PLEKHH2: variants seen among roughly 807,000 people sequenced by gnomAD.
The protein encoded by PLEKHH2 is pleckstrin homology domain-containing family H member 2.
In PLEKHH2, 129 loss-of-function variants were observed where a neutral mutation model predicts 187.9. The observed-to-expected ratio is 0.69, with a 90% CI of 0.59 to 0.79. The LOEUF (loss-of-function observed/expected upper bound fraction) is 0.79, where lower values mean the gene tolerates loss of function less well. PLEKHH2 is among the 30% of genes least tolerant of loss of function. The pLI is 0.00. For synonymous variants in PLEKHH2, 686 were observed against 605.6 expected (o/e 1.13, Z -1.95); for missense variants, 2,076 against 1,751.2 (o/e 1.19, Z -3.31).
chr2:43,736,320 G>A (rs1671291411), intron 19 of PLEKHH2, among the ~76,000 whole-genome samples: 1 of 152,182 alleles, frequency 6.6e-6, no homozygotes, highest in Non-Finnish European at 1.5e-5. Context: ...GAGCCACAGG[G>A]ACTGGATTTG....
chr2:43,738,235 C>T, intron 19 of PLEKHH2, 106 bp from the exon 20 acceptor site: 1 of 937,096 alleles, frequency 1.1e-6, no homozygotes, highest in South Asian at 2.4e-5. Flanking sequence ...TATCCTTTTC[C>T]ATCATTTTAA....
intron 21 of PLEKHH2, 43 bp from the exon 22 acceptor site, chr2:43,742,698 A>C: frequency 7.2e-7 from 1 of 1,392,740 alleles, no homozygotes; most frequent in African/African-American, 1.5e-5. Flanking sequence ...TAGGTTGTCA[A>C]TTAAATTTAT....
intron 2 of PLEKHH2, chr2:43,676,177 T>C (rs1174999545): frequency 6.2e-7 from 1 of 1,613,888 alleles, no homozygotes; most frequent in East Asian, 2.2e-5. Flanking sequence ...ATCGTTCCTG[T>C]TAGGTGGACG....
Position 43,765,522 on chromosome 2 carries a change from G to A in PLEKHH2, c.4406G>A (p.Gly1469Glu), listed in dbSNP as rs1389002108. The A allele has an allele frequency of 1.9e-6, 3 of 1,613,884 alleles. No individual in the cohort carries two copies. Among genetic ancestry groups the A allele is most frequent in the Middle Eastern group, 1.6e-4 (1 of 6,084 alleles). Reference protein sequence around the residue: ...APALLSAQTRGPQARMMGSQP... With the variant: ...APALLSAQTREPQARMMGSQP... ...GCACTGCTCTCAGCCCAGACCCGGG[G>A]ACCCCAAGCCAGAATGATGGGAAGC... The change falls in exon 30 of 30, where the codon GGA (glycine) becomes GAA (glutamate). Residue 1469 changes from glycine to glutamate, a missense_variant. Coordinates refer to ENST00000282406, the MANE Select transcript of PLEKHH2 (RefSeq NM_172069.4).
intron 17 of PLEKHH2, 44 bp from the exon 18 acceptor site, chr2:43,729,593 C>G (rs1670939082): frequency 3.9e-6 from 5 of 1,291,858 alleles, no homozygotes; most frequent in Non-Finnish European, 4.2e-6. Context: ...TTTCTTTAAT[C>G]AAAACTGTGT....
intron 19 of PLEKHH2, 148 bp from the exon 20 acceptor site, chr2:43,738,193 C>A (rs2104587412): frequency 3.3e-6 from 2 of 602,142 alleles, no homozygotes; most frequent in East Asian, 6.0e-5. Context: ...TGTGGCGATT[C>A]CAGATTTCTT....
intron 3 of PLEKHH2, among the ~76,000 whole-genome samples, chr2:43,684,181 C>G (rs1425099301): frequency 6.6e-6 from 1 of 151,302 alleles, no homozygotes; most frequent in Non-Finnish European, 1.5e-5. Flanking sequence ...CCTTCCTTTT[C>G]CTTCTTTTCT....
chr2:43,692,376 A>G (rs1668842348), intron 3 of PLEKHH2, 138 bp from the exon 4 acceptor site: 1 of 634,060 alleles, frequency 1.6e-6, no homozygotes, highest in South Asian at 2.4e-5. Context: ...ATCATTAAAT[A>G]TATTAAACCT....
At chr2:43,668,156 C>A (rs2104393944) in intron 2 of PLEKHH2, among the ~76,000 whole-genome samples, 1 of 152,134 alleles carries the variant, frequency 6.6e-6, no homozygotes, top group Non-Finnish European at 1.5e-5. Flanking sequence ...CCTCAGCCTC[C>A]CAAGTAGCTG....
rs1484729756 is a variant in PLEKHH2 at position 43,765,759 on chromosome 2, A to T, written c.*161A>T. Reference sequence around the variant, plus strand: ...TCTTTTATTTGATTCTTAAATATTCAAATAAATATTAACAGTAAAACATAA... The same window carrying T: ...TCTTTTATTTGATTCTTAAATATTCTAATAAATATTAACAGTAAAACATAA... On this transcript the variant is annotated 3_prime_UTR_variant, in exon 30 of 30. Transcript: ENST00000282406. 1.6e-6 allele frequency: 1 copy of T among 634,332 alleles called. No homozygotes were observed. Among genetic ancestry groups the T allele is most frequent in the Non-Finnish European group, 2.5e-6 (1 of 406,628 alleles). 39.3% of individuals were successfully genotyped at this position (634,332 alleles called of 1,614,324 possible).
Position 43,706,394 on chromosome 2 carries a change from C to A in PLEKHH2, c.1799C>A (p.Pro600Gln). Residue 600 changes from proline to glutamine, a missense_variant, in exon 10 of 30, where the codon CCA becomes CAA. By Grantham distance (76) the Pro-to-Gln change is moderately conservative. Coordinates refer to ENST00000282406, the MANE Select transcript of PLEKHH2 (RefSeq NM_172069.4). Reference protein sequence around the residue: ...TSLIYKNMTTPVYTTLKGKAT... With the variant: ...TSLIYKNMTTQVYTTLKGKAT... ...CTGATATACAAGAACATGACCACCCCAGTGTATACAACTTTGAAGGGGGTA... is the reference window on the plus strand; with the variant it reads ...CTGATATACAAGAACATGACCACCCAAGTGTATACAACTTTGAAGGGGGTA... The A allele has an allele frequency of 6.3e-7, 1 of 1,597,208 alleles. No individual in the cohort carries two copies.
At chr2:43,716,657 CA>C (rs1418314693) in intron 15 of PLEKHH2, among the ~76,000 whole-genome samples, 1 of 152,072 alleles carries the variant, frequency 6.6e-6, no homozygotes. Flanking sequence ...TTCAAATATG[CA>C]AAAAAGCAGA....
intron 16 of PLEKHH2, among the ~76,000 whole-genome samples, chr2:43,725,682 G>A (rs1053098598): frequency 6.6e-6 from 1 of 152,186 alleles, no homozygotes; most frequent in African/African-American, 2.4e-5. Context: ...CATAAAAGTA[G>A]CATCTTGTTT....
chr2:43,672,730 A>G (rs1047798378), intron 2 of PLEKHH2, among the ~76,000 whole-genome samples: 3 of 152,180 alleles, frequency 2.0e-5, no homozygotes, highest in Non-Finnish European at 2.9e-5. Flanking sequence ...ACTATTTCTA[A>G]TGCAAGTTTC....
chr2:43,637,964 T>C (rs1703193149), intron 1 of PLEKHH2, among the ~76,000 whole-genome samples: 1 of 152,168 alleles, frequency 6.6e-6, no homozygotes, highest in Non-Finnish European at 1.5e-5. Flanking sequence ...TACCCGTCGA[T>C]ATTGTTGTGC....
In PLEKHH2 at chr2:43,677,869, G is replaced by C. The variant is rs553154934; in HGVS notation, c.124-994G>C. Among the ~76,000 whole-genome samples, 350 of 145,062 alleles carry C rather than the reference G, an allele frequency of 2.4e-3. 2 individuals carry two copies. The highest frequency in any genetic ancestry group is 8.8e-3 in the African/African-American group (343 of 38,842). On this transcript the variant is annotated intron_variant, in intron 2 of 29. Transcript: ENST00000282406. The stretch of plus-strand genomic sequence containing the variant: ...TCCCTCCCGGACGGGGCGGCTGGCC[G>C]GGCGGGGGGCTGATCTCCCCACCTC...
chr2:43,676,562 CA>C (rs1469192214), intron 2 of PLEKHH2, among the ~76,000 whole-genome samples: 2 of 151,918 alleles, frequency 1.3e-5, no homozygotes, highest in Non-Finnish European at 2.9e-5. Context: ...CCTGGCCTTC[CA>C]ACCAGCAATA....
intron 16 of PLEKHH2, among the ~76,000 whole-genome samples, chr2:43,723,250 G>A (rs1212530699): frequency 2.1e-4 from 32 of 152,056 alleles, no homozygotes; most frequent in Admixed American, 2.1e-3. Context: ...TACTTTCTTA[G>A]GGTTTTTGGC....
rs201353778 is a variant in PLEKHH2 at position 43,697,307 on chromosome 2, C to G, written c.639C>G (p.Ser213Arg). 2 of 1,613,478 alleles carry G rather than the reference C, an allele frequency of 1.2e-6. No homozygotes were observed. Among genetic ancestry groups the G allele is most frequent in the South Asian group, 1.1e-5 (1 of 90,978 alleles). The change falls in exon 7 of 30, where the codon AGC becomes AGG. Residue 213 changes from serine to arginine, a missense_variant. Physicochemically the swap from Ser to Arg is moderately radical, Grantham distance 110 (BLOSUM62 -1). Coordinates refer to ENST00000282406, the MANE Select transcript of PLEKHH2 (RefSeq NM_172069.4). ...AAGTAGTAAAATCTGAGGAAATGAG[C>G]AAGATATCATCGAAAGAACCTGAGT... ...PPQVVKSEEM[S>R]KISSKEPEFT...
Sources: allele counts gnomAD v4.1 joint callset (sites outside exome capture counted in the v4.1 genomes callset), GRCh38; gene constraint gnomAD v4.1.1; transcripts MANE v1.5; gene names NCBI Gene and HGNC (gene_info 2026-07-23, HGNC 2026-07-21).